The following SEH1L variants were observed in gnomAD, a reference collection of about 807,000 sequenced individuals.
SEH1L encodes SEH1 like nucleoporin.
Under a neutral mutation model 49.5 loss-of-function variants are expected in SEH1L, and 18 were observed. The observed-to-expected ratio is 0.36, with a 90% CI of 0.25 to 0.54. SEH1L has a LOEUF of 0.54. SEH1L is among the 20% of genes least tolerant of loss of function. SEH1L has a pLI of 0.87. For synonymous variants in SEH1L, 169 were observed against 178.1 expected (o/e 0.95, Z 0.41); for missense variants, 404 against 528.8 (o/e 0.76, Z 2.31).
intron 6 of SEH1L, among the ~76,000 whole-genome samples, chr18:12,980,837 C>A (rs1450766812): frequency 8.3e-6 from 1 of 120,042 alleles, no homozygotes; most frequent in Non-Finnish European, 1.8e-5. Context: ...CCCCCCACTT[C>A]CCTTCCGGAC....
intron 4 of SEH1L, among the ~76,000 whole-genome samples, chr18:12,967,684 C>A (rs1451791411): frequency 1.3e-5 from 2 of 152,112 alleles, no homozygotes; most frequent in African/African-American, 4.8e-5. Flanking sequence ...GAGGCTGAGG[C>A]GGGCGGATCA....
At chr18:12,972,489 T>C (rs2031744331) in intron 5 of SEH1L, 1 of 152,202 alleles carries the variant, frequency 6.6e-6, no homozygotes, top group African/African-American at 2.4e-5. Flanking sequence ...TACTCAGTCT[T>C]ACAGGAGAAG....
At chr18:12,949,114 G>C (rs936754788) in intron 1 of SEH1L, among the ~76,000 whole-genome samples, 10 of 151,062 alleles carry the variant, frequency 6.6e-5, no homozygotes, top group African/African-American at 2.4e-4. Context: ...CCGCCTCGGC[G>C]CCTCGGCCTC....
At chr18:12,950,715 C>T (rs1418161672) in intron 1 of SEH1L, among the ~76,000 whole-genome samples, 1 of 152,110 alleles carries the variant, frequency 6.6e-6, no homozygotes, top group Admixed American at 6.6e-5. Context: ...CGTTTTATAC[C>T]GCCAGTGATA....
chr18:12,949,237 A>C (rs2030340660), intron 1 of SEH1L, among the ~76,000 whole-genome samples: 1 of 151,862 alleles, frequency 6.6e-6, no homozygotes, highest in Admixed American at 6.6e-5. Context: ...TGCAGGATGA[A>C]TGAAAGCTGG....
chr18:12,986,785 CT>C, intron 8 of SEH1L, 76 bp from the exon 9 acceptor site: 1 of 1,209,828 alleles, frequency 8.3e-7, no homozygotes. Flanking sequence ...GTATTTACTA[CT>C]TTTCTCTTTT....
chr18:12,948,294 G>C, intron 1 of SEH1L, 62 bp downstream of exon 1: 5 of 1,229,544 alleles, frequency 4.1e-6, no homozygotes, highest in Non-Finnish European at 6.0e-6. Context: ...TGGGTGGGCG[G>C]CGCGGGGAAC....
chr18:12,951,476 C>T (rs1283094472), intron 1 of SEH1L, among the ~76,000 whole-genome samples: 1 of 152,140 alleles, frequency 6.6e-6, no homozygotes, highest in East Asian at 1.9e-4. Context: ...CTGCGACCTC[C>T]GCCTCTGGGG....
intron 6 of SEH1L, among the ~76,000 whole-genome samples, chr18:12,979,691 C>CG (rs1164911081): frequency 2.0e-5 from 3 of 147,854 alleles, no homozygotes; most frequent in Admixed American, 1.3e-4. Flanking sequence ...GCTGGCTGGG[C>CG]GGGGGGCTGA....
chr18:12,981,911 G>A lies in SEH1L; in HGVS notation c.762-607G>A, dbSNP rs553190578. Among the ~76,000 whole-genome samples, 231 of 138,430 alleles carry A rather than the reference G, an allele frequency of 1.7e-3. 1 individual carries two copies. The highest frequency in any genetic ancestry group is 6.1e-3 in the African/African-American group (221 of 35,940). 90.8% of individuals were successfully genotyped at this position (138,430 alleles called of 152,430 possible). A position where few individuals can be genotyped will look rare whatever the true frequency, so the allele number is the denominator to read the frequency against. On this transcript the variant is annotated intron_variant, in intron 6 of 8. Transcript: ENST00000399892. ...GTCTCACTCCGTTGCCCAGGCTGGA[G>A]GGCAGTGGCTTGATCTTGGCTCACT...
Position 12,948,045 on chromosome 18 carries a change from G to C in SEH1L, c.-77G>C. ...CGTGCGCTCCCGGGCTGCGAGGTCT[G>C]GCTAGGCTACGGGCCACGCGCCGCC... On this transcript the variant is annotated 5_prime_UTR_variant, in exon 1 of 9. Coordinates refer to ENST00000399892, the MANE Select transcript of SEH1L (RefSeq NM_001013437.2). 2 of 1,110,780 alleles carry C rather than the reference G, an allele frequency of 1.8e-6. No homozygotes were observed. The highest frequency in any genetic ancestry group is 2.6e-6 in the Non-Finnish European group (2 of 756,564). 68.8% of individuals were successfully genotyped at this position (1,110,780 alleles called of 1,614,324 possible). A position where few individuals can be genotyped will look rare whatever the true frequency, so the allele number is the denominator to read the frequency against.
At position 12,982,792 on chromosome 18, in the gene SEH1L, C is replaced by T. The variant is rs2032323352; in HGVS notation, c.919+117C>T. On this transcript the variant is annotated intron_variant, in intron 7 of 8. Transcript: ENST00000399892. Reference sequence around the variant, plus strand: ...GGTCTTTTACAGTTACTTTTAATGTCATATTAATTTATGTTATTTTGAACA... The same window carrying T: ...GGTCTTTTACAGTTACTTTTAATGTTATATTAATTTATGTTATTTTGAACA... 15 of 726,600 alleles carry T rather than the reference C, an allele frequency of 2.1e-5. No homozygotes were observed. The East Asian group carries it at 3.6e-4, about 18-fold the overall frequency. The allele number at this position is 726,600 out of a possible 1,614,324, so 45.0% of individuals were successfully genotyped here.
intron 4 of SEH1L, among the ~76,000 whole-genome samples, chr18:12,969,827 G>A (rs2031619043): frequency 6.6e-6 from 1 of 151,826 alleles, no homozygotes; most frequent in Admixed American, 6.6e-5. Context: ...AGGAGGTGGA[G>A]GTTGCAGTGA....
intron 6 of SEH1L, among the ~76,000 whole-genome samples, chr18:12,980,903 G>A (rs1432946229): frequency 2.7e-5 from 4 of 148,862 alleles, no homozygotes; most frequent in Admixed American, 1.3e-4. Context: ...CGGACGGGGC[G>A]GCTGGCCGGG....
At chr18:12,980,000 G>T (rs1378473692) in intron 6 of SEH1L, among the ~76,000 whole-genome samples, 3 of 137,152 alleles carry the variant, frequency 2.2e-5, no homozygotes, top group Non-Finnish European at 4.8e-5. Context: ...CGGGCGCGGG[G>T]CTGACCCCCC....
Position 12,984,091 on chromosome 18 carries a change from G to A in SEH1L, c.971G>A (p.Ser324Asn), listed in dbSNP as rs1465579841. 6.2e-7 allele frequency: 1 copy of A among 1,613,732 alleles called. No individual in the cohort carries two copies. The highest frequency in any genetic ancestry group is 8.5e-7 in the Non-Finnish European group (1 of 1,179,622). The change falls in exon 8 of 9, where the codon AGC (serine) becomes AAC (asparagine). Residue 324 changes from serine to asparagine, a missense_variant. Physicochemically the swap from Ser to Asn is conservative, Grantham distance 46. Around this residue, in one of 3 missense-constraint regions of SEH1L, gnomAD observed 342 missense variants for 430.8 expected, o/e 0.79. Coordinates refer to ENST00000399892, the MANE Select transcript of SEH1L (RefSeq NM_001013437.2). ...KCTGILKGNG[S>N]PVNGSSQQGT... ...ACTGGTATTTTGAAAGGTAATGGGA[G>A]CCCAGTCAATGGGAGTTCTCAGCAG...
intron 3 of SEH1L, 145 bp downstream of exon 3, chr18:12,955,754 T>G (rs2030814633): frequency 1.2e-6 from 1 of 806,406 alleles, no homozygotes. Flanking sequence ...CCATGTTTTT[T>G]TCTTCCTTTT....
intron 5 of SEH1L, among the ~76,000 whole-genome samples, chr18:12,975,517 G>T (rs2031882111): frequency 6.6e-6 from 1 of 151,668 alleles, no homozygotes; most frequent in East Asian, 1.9e-4. Flanking sequence ...AAGACAGAGG[G>T]TGTTCTGCAA....
intron 6 of SEH1L, among the ~76,000 whole-genome samples, chr18:12,981,149 G>A (rs1055689035): frequency 3.3e-5 from 5 of 151,822 alleles, no homozygotes; most frequent in Non-Finnish European, 5.9e-5. Flanking sequence ...GATGATGGGC[G>A]GCCGGGCAGA....
Sources: allele counts gnomAD v4.1 joint callset (sites outside exome capture counted in the v4.1 genomes callset), GRCh38; gene constraint gnomAD v4.1.1; regional missense constraint gnomAD v4.1.1; transcripts MANE v1.5; gene names NCBI Gene and HGNC (gene_info 2026-07-23, HGNC 2026-07-21).